TTC39C: variants seen among roughly 807,000 people sequenced by gnomAD.
TTC39C encodes the protein tetratricopeptide repeat protein 39C.
A neutral mutation model predicts 76.3 loss-of-function variants in TTC39C; 33 were observed. The observed-to-expected ratio is 0.43, with a 90% CI of 0.33 to 0.58. TTC39C has a LOEUF of 0.58. Among genes scored for constraint, TTC39C ranks in the 20% least tolerant of loss-of-function variants. The pLI is 0.04. For missense variants in TTC39C, 595 were observed against 701.4 expected (o/e 0.85, Z 1.71); for synonymous variants, 254 against 260.6 (o/e 0.97, Z 0.24).
chr18:24,011,283 G>C (rs924102903), upstream of TTC39C, among the ~76,000 whole-genome samples: 2 of 152,120 alleles, frequency 1.3e-5, no homozygotes, highest in Non-Finnish European at 2.9e-5. Context: ...CACATTAATT[G>C]GTGCAAAGAT....
intron 1 of TTC39C, among the ~76,000 whole-genome samples, chr18:24,056,618 C>T (rs1172929993): frequency 1.3e-5 from 2 of 151,852 alleles, no homozygotes; most frequent in Non-Finnish European, 2.9e-5. Context: ...TTGGAGAGAC[C>T]TTAAAAAAAT....
intron 1 of TTC39C, among the ~76,000 whole-genome samples, chr18:24,002,519 A>G (rs1378894506): frequency 6.6e-6 from 1 of 152,218 alleles, no homozygotes; most frequent in Non-Finnish European, 1.5e-5. Context: ...TTGAATGCCC[A>G]GAGTGATCGT....
intron 1 of TTC39C, among the ~76,000 whole-genome samples, chr18:24,004,137 G>A (rs961419692): frequency 2.0e-5 from 3 of 152,178 alleles, no homozygotes; most frequent in Non-Finnish European, 2.9e-5. Context: ...CAGAAGTGAG[G>A]AACAAGGCTA....
intron 6 of TTC39C, among the ~76,000 whole-genome samples, chr18:24,104,231 C>T (rs1308581234): frequency 6.6e-6 from 1 of 152,150 alleles, no homozygotes; most frequent in African/African-American, 2.4e-5. Flanking sequence ...CGCACCTAGC[C>T]CCAAATCCCA....
chr18:24,071,580 T>G (rs769600202), intron 4 of TTC39C, among the ~76,000 whole-genome samples: 1 of 152,226 alleles, frequency 6.6e-6, no homozygotes, highest in Non-Finnish European at 1.5e-5. Flanking sequence ...TTTTTTCTTT[T>G]CAATTATACT....
intron 1 of TTC39C, among the ~76,000 whole-genome samples, chr18:24,040,833 A>T (rs1455129475): frequency 6.6e-6 from 1 of 151,774 alleles, no homozygotes; most frequent in Non-Finnish European, 1.5e-5. Context: ...GTGTGTAGAT[A>T]ACACAAGGGC....
At chr18:24,014,667 C>T (rs2083425633), upstream of TTC39C, 1 of 700,224 alleles carries the variant, frequency 1.4e-6, no homozygotes, top group Non-Finnish European at 1.9e-6. Flanking sequence ...GCCGGACGCC[C>T]ACCTCCCACG....
chr18:24,101,713 C>T (rs2084678481), intron 6 of TTC39C, among the ~76,000 whole-genome samples: 2 of 152,156 alleles, frequency 1.3e-5, no homozygotes, highest in African/African-American at 4.8e-5. Flanking sequence ...GTCTTCTCGG[C>T]TTTCTAGGTT....
At chr18:24,006,999 A>G (rs1436700867) in intron 1 of TTC39C, among the ~76,000 whole-genome samples, 1 of 152,202 alleles carries the variant, frequency 6.6e-6, no homozygotes, top group Non-Finnish European at 1.5e-5. Context: ...CAGGCTCATG[A>G]GCTCTAGGCT....
intron 7 of TTC39C, among the ~76,000 whole-genome samples, chr18:24,117,370 AT>A (rs1599342319): frequency 6.6e-6 from 1 of 152,140 alleles, no homozygotes; most frequent in East Asian, 1.9e-4. Context: ...GAAATGCCTA[AT>A]TTCTCATTGG....
chr18:24,015,998 G>A (rs2083450672), intron 1 of TTC39C, among the ~76,000 whole-genome samples: 1 of 152,146 alleles, frequency 6.6e-6, no homozygotes, highest in South Asian at 2.1e-4. Context: ...TTCACGCTAT[G>A]GAGACCCTGT....
In TTC39C at chr18:23,997,320, G is replaced by A. The variant is rs1771575097; in HGVS notation, c.-17+4282G>A. On this transcript the variant is annotated intron_variant, in intron 1 of 13. Coordinates refer to the TTC39C transcript ENST00000304621. ...AATCCCAGCACTTTGGGAGGCCAAGGCAGGTGGGTCACCTGAGGTCAGGAG... is the reference window on the plus strand; with the variant it reads ...AATCCCAGCACTTTGGGAGGCCAAGACAGGTGGGTCACCTGAGGTCAGGAG... 2.0e-5 allele frequency among the ~76,000 whole-genome samples: 3 copies of A among 152,080 alleles called. No homozygotes were observed. In the South Asian group the frequency reaches 6.2e-4, roughly 31 times the overall value.
chr18:24,075,778 C>T (rs2084300648), intron 4 of TTC39C, among the ~76,000 whole-genome samples: 2 of 152,056 alleles, frequency 1.3e-5, no homozygotes, highest in African/African-American at 2.4e-5. Flanking sequence ...AGCCTCCTTC[C>T]GGGACAGTTG....
chr18:24,127,685 T>TA (rs1231489411), intron 10 of TTC39C, among the ~76,000 whole-genome samples: 2 of 151,494 alleles, frequency 1.3e-5, no homozygotes, highest in South Asian at 2.1e-4. Flanking sequence ...ACCCAGCTAT[T>TA]AAAAAAAAAT....
At chr18:24,109,661 C>G (rs900885079) in intron 6 of TTC39C, among the ~76,000 whole-genome samples, 6 of 152,110 alleles carry the variant, frequency 3.9e-5, no homozygotes, top group South Asian at 2.1e-4. Flanking sequence ...TCCTGATAAC[C>G]AGAGTAAAGC....
intron 5 of TTC39C, 70 bp from the exon 6 acceptor site, chr18:24,082,843 G>A: frequency 6.8e-7 from 1 of 1,480,182 alleles, no homozygotes; most frequent in South Asian, 1.4e-5. Context: ...AACACATACT[G>A]GAGTTTTGAA....
At chr18:24,093,385 A>G (rs2084550324) in intron 6 of TTC39C, among the ~76,000 whole-genome samples, 1 of 151,732 alleles carries the variant, frequency 6.6e-6, no homozygotes, top group African/African-American at 2.4e-5. Flanking sequence ...AGGCTGAGGC[A>G]GGAGAATGGC....
intron 10 of TTC39C, 29 bp downstream of exon 10, chr18:24,125,579 T>C (rs533775818): frequency 1.9e-6 from 3 of 1,613,382 alleles, no homozygotes; most frequent in Admixed American, 3.3e-5. Flanking sequence ...CCCAAAACTG[T>C]CTACTGGACA....
At chr18:24,042,798 TG>T (rs1233855336) in intron 1 of TTC39C, among the ~76,000 whole-genome samples, 2 of 152,208 alleles carry the variant, frequency 1.3e-5, no homozygotes, top group African/African-American at 4.8e-5. Flanking sequence ...GAATATACCC[TG>T]TATATTTACG....
Sources: allele counts gnomAD v4.1 joint callset (sites outside exome capture counted in the v4.1 genomes callset), GRCh38; gene constraint gnomAD v4.1.1; transcripts MANE v1.5; gene names NCBI Gene and HGNC (gene_info 2026-07-23, HGNC 2026-07-21).